Variants in NRG3 observed in about 807,000 individuals in gnomAD.
The protein encoded by NRG3 is neuregulin 3.
In NRG3, 31 loss-of-function variants were observed where a neutral mutation model predicts 66.9. The observed-to-expected ratio is 0.46, with a 90% CI of 0.35 to 0.63. NRG3 has a LOEUF of 0.63. Among genes scored for constraint, NRG3 ranks in the 20% least tolerant of loss-of-function variants. NRG3 has a pLI of 0.00. For synonymous variants in NRG3, 393 were observed against 359.4 expected, an observed-to-expected ratio of 1.09 and a Z score of -1.06; for missense variants, 910 against 878.9, an observed-to-expected ratio of 1.04 and a Z score of -0.45.
At chr10:82,808,295 C>CTTACACTGTGTATCACTGTGTACT in intron 3 of NRG3, among the ~76,000 whole-genome samples, 1 of 151,818 alleles carries the variant, frequency 6.6e-6, no homozygotes, top group East Asian at 1.9e-4. Context: ...ACAGTTTCTA[C>CTTACACTGTGTATCACTGTGTACT]TTACACTGTG....
At chr10:82,109,780 A>AT (rs1026402490) in intron 1 of NRG3, among the ~76,000 whole-genome samples, 23 of 152,128 alleles carry the variant, frequency 1.5e-4, no homozygotes, top group Non-Finnish European at 3.1e-4. Flanking sequence ...TTTAATCCTC[A>AT]TAACAAGCCT....
intron 2 of NRG3, among the ~76,000 whole-genome samples, chr10:82,444,591 T>G (rs1590155488): frequency 6.6e-6 from 1 of 152,114 alleles, no homozygotes; most frequent in Admixed American, 6.5e-5. Context: ...GGGGAGGGCC[T>G]TCTTGATTAG....
chr10:82,932,074 A>G (rs1847630719), intron 4 of NRG3, among the ~76,000 whole-genome samples: 1 of 152,194 alleles, frequency 6.6e-6, no homozygotes, highest in African/African-American at 2.4e-5. Context: ...GATCTTGTGC[A>G]GCATCCCCAA....
At chr10:82,161,215 T>C (rs1018347309) in intron 1 of NRG3, among the ~76,000 whole-genome samples, 3 of 152,236 alleles carry the variant, frequency 2.0e-5, no homozygotes, top group African/African-American at 4.8e-5. Flanking sequence ...GCTGGAAGAA[T>C]TGGAGTCACC....
intron 2 of NRG3, among the ~76,000 whole-genome samples, chr10:82,397,306 C>T (rs1470110270): frequency 1.3e-5 from 2 of 151,944 alleles, no homozygotes; most frequent in East Asian, 3.9e-4. Context: ...GAATGCTCAT[C>T]GGGAAGAAAA....
chr10:82,112,935 G>T (rs1397214114), intron 1 of NRG3, among the ~76,000 whole-genome samples: 1 of 152,098 alleles, frequency 6.6e-6, no homozygotes, highest in Non-Finnish European at 1.5e-5. Context: ...GTGCCCCATG[G>T]TTGATGAAAT....
At chr10:82,231,818 C>T (rs74674674) in intron 1 of NRG3, among the ~76,000 whole-genome samples, 3,034 of 152,204 alleles carry the variant, frequency 0.02, 127 homozygotes, top group East Asian at 0.13. Flanking sequence ...GTGTTTTTCT[C>T]CATTAAAGAT....
At chr10:82,842,208 A>G (rs2063088670) in intron 3 of NRG3, among the ~76,000 whole-genome samples, 1 of 152,168 alleles carries the variant, frequency 6.6e-6, no homozygotes, top group Admixed American at 6.5e-5. Flanking sequence ...CTGAGATCAC[A>G]CCACTGCACT....
chr10:81,925,105 A>T (rs1249243017), intron 1 of NRG3, among the ~76,000 whole-genome samples: 2 of 152,180 alleles, frequency 1.3e-5, no homozygotes. Flanking sequence ...GAGCTTCCCC[A>T]GATAAATTAC....
intron 4 of NRG3, among the ~76,000 whole-genome samples, chr10:82,905,964 G>A (rs1433858175): frequency 2.0e-5 from 3 of 152,038 alleles, no homozygotes; most frequent in African/African-American, 7.2e-5. Context: ...GCTTAGCTGT[G>A]GCCATGTCAT....
At chr10:82,930,081 G>T (rs1261928205) in intron 4 of NRG3, among the ~76,000 whole-genome samples, 2 of 152,012 alleles carry the variant, frequency 1.3e-5, no homozygotes, top group Non-Finnish European at 2.9e-5. Flanking sequence ...TAATTGTTGG[G>T]TTCATCCAGG....
chr10:82,487,016 T>A (rs1267006127), intron 2 of NRG3, among the ~76,000 whole-genome samples: 1 of 151,072 alleles, frequency 6.6e-6, no homozygotes, highest in African/African-American at 2.4e-5. Context: ...AATACTGTAC[T>A]GAACACAAAA....
At chr10:81,902,515 A>T (rs1844175569) in intron 1 of NRG3, among the ~76,000 whole-genome samples, 1 of 152,150 alleles carries the variant, frequency 6.6e-6, no homozygotes, top group Non-Finnish European at 1.5e-5. Context: ...GCTCTTGGGC[A>T]TTTGAGGATA....
At chr10:82,709,932 A>G (rs1565226433) in intron 2 of NRG3, among the ~76,000 whole-genome samples, 1 of 152,214 alleles carries the variant, frequency 6.6e-6, no homozygotes, top group Non-Finnish European at 1.5e-5. Context: ...TATTTTAACC[A>G]TTGTAAATAA....
At chr10:82,545,773 AAT>A (rs1300244291) in intron 2 of NRG3, among the ~76,000 whole-genome samples, 20 of 147,536 alleles carry the variant, frequency 1.4e-4, no homozygotes, top group African/African-American at 5.0e-4. Flanking sequence ...CGTAATATAT[AAT>A]ATCAACTCTT....
chr10:82,738,451 T>C (rs1411550456), intron 2 of NRG3, 126 bp from the exon 3 acceptor site: 2 of 760,038 alleles, frequency 2.6e-6, no homozygotes, highest in East Asian at 5.2e-5. Flanking sequence ...ACAGACTGAA[T>C]CAAAAAATAT....
intron 1 of NRG3, among the ~76,000 whole-genome samples, chr10:82,159,808 T>G (rs886823047): frequency 4.0e-5 from 6 of 151,766 alleles, no homozygotes; most frequent in African/African-American, 1.4e-4. Context: ...AAAATACAAA[T>G]AAGAAGAAGT....
chr10:82,930,409 C>T (rs950257061), intron 4 of NRG3, among the ~76,000 whole-genome samples: 6 of 152,114 alleles, frequency 3.9e-5, no homozygotes, highest in African/African-American at 9.7e-5. Context: ...TCAGGGATAA[C>T]GATAAACTTC....
At chr10:82,395,279 A>G (rs1348515952) in intron 2 of NRG3, among the ~76,000 whole-genome samples, 5 of 152,192 alleles carry the variant, frequency 3.3e-5, no homozygotes, top group Admixed American at 3.3e-4. Context: ...TATTGTGGTA[A>G]TAGTTAATTG....
Sources: gnomAD v4.1 joint callset for allele counts (sites outside exome capture counted in the v4.1 genomes callset) on GRCh38, gnomAD v4.1.1 for gene constraint, MANE v1.5 for transcripts, NCBI Gene and HGNC (gene_info 2026-07-23, HGNC 2026-07-21) for gene names.